AMZ1: variants seen among roughly 807,000 people sequenced by gnomAD.
AMZ1 encodes archaelysin family metallopeptidase 1.
AMZ1 carries 39 observed loss-of-function variants against 29.9 expected under a neutral mutation model. The observed-to-expected ratio is 1.30, with a 90% CI of 1.01 to 1.70. The LOEUF (loss-of-function observed/expected upper bound fraction) is 1.70. AMZ1 is among the 40% of genes most tolerant of loss of function. The pLI, the probability that AMZ1 is intolerant of heterozygous loss-of-function variation, is 0.00. For synonymous variants in AMZ1, 458 were observed against 304.0 expected (o/e 1.51, Z -5.27); for missense variants, 1,041 against 680.6 (o/e 1.53, Z -5.89).
intron 4 of AMZ1, among the ~76,000 whole-genome samples, chr7:2,743,702 C>T (rs1042504115): frequency 4.6e-5 from 7 of 152,182 alleles, no homozygotes; most frequent in Middle Eastern, 3.4e-3. Context: ...GCGCACTGTG[C>T]GCGAGCCGAA....
Position 2,700,610 on chromosome 7 carries a change from G to A in AMZ1, c.159G>A (p.Thr53=), listed in dbSNP as rs145132421. 306 of 1,610,606 alleles carry A rather than the reference G, an allele frequency of 1.9e-4. 1 individual carries two copies. In the African/African-American group the frequency reaches 2.9e-3, roughly 15 times the overall value. Reference sequence around the variant, plus strand: ...CCGAGGCCTACAACCCGCAGAGGACGCTCTTCTGCACCCTGCTCATCCGCA... The same window carrying A: ...CCGAGGCCTACAACCCGCAGAGGACACTCTTCTGCACCCTGCTCATCCGCA... ...FLAEAYNPQR[T]LFCTLLIRTG... is the part of the protein sequence containing the mutation. The change falls in exon 2 of 7, where the codon ACG becomes ACA. Residue 53 remains threonine (T), a synonymous_variant. Coordinates refer to ENST00000683327, the MANE Select transcript of AMZ1 (RefSeq NM_001384743.1).
At chr7:2,684,569 C>T (rs894423875), upstream of AMZ1, among the ~76,000 whole-genome samples, 6 of 152,214 alleles carry the variant, frequency 3.9e-5, no homozygotes, top group Non-Finnish European at 7.3e-5. Context: ...CCCCATATCA[C>T]GGCCTCTTTC....
chr7:2,758,778 A>ATCT (rs1232347699), intron 4 of AMZ1, among the ~76,000 whole-genome samples: 1 of 152,198 alleles, frequency 6.6e-6, no homozygotes, highest in Non-Finnish European at 1.5e-5. Flanking sequence ...GTGGATAATC[A>ATCT]AGTGCAGTTT....
At chr7:2,753,779 T>A (rs1369876937) in intron 4 of AMZ1, among the ~76,000 whole-genome samples, 1 of 152,152 alleles carries the variant, frequency 6.6e-6, no homozygotes, top group Non-Finnish European at 1.5e-5. Context: ...TAATGCTGAA[T>A]TTACTCCTGT....
intron 3 of AMZ1, 83 bp from the exon 4 acceptor site, chr7:2,708,505 G>A (rs1323179747): frequency 8.9e-6 from 14 of 1,580,748 alleles, no homozygotes; most frequent in East Asian, 4.5e-5. Context: ...CAGAGGAAGA[G>A]GATGACGGGG....
Position 2,700,283 on chromosome 7 carries a change from C to A in AMZ1, c.-169C>A. 1.3e-6 allele frequency: 1 copy of A among 743,310 alleles called. No homozygotes were observed. Among genetic ancestry groups the A allele is most frequent in the Non-Finnish European group, 2.1e-6 (1 of 467,812 alleles). The allele number at this position is 743,310 out of a possible 1,614,324, so 46.0% of individuals were successfully genotyped here. ...ATGCCTGAGAGCGTCCAGGACCAGG[C>A]AGAGCTGGGCCTTAAGGGCCCTTGG... On this transcript the variant is annotated 5_prime_UTR_variant, in exon 2 of 7. Transcript: ENST00000683327.
In AMZ1 at chr7:2,717,105, G is replaced by C. The variant is rs1789170465; in HGVS notation, c.*4227G>C. Among the ~76,000 whole-genome samples, 1 of 152,226 alleles carries C rather than the reference G, an allele frequency of 6.6e-6. No individual in the cohort carries two copies. The highest frequency in any genetic ancestry group is 2.4e-5 in the African/African-American group (1 of 41,468). ...GCCCCTCGGTTCTGATAACCAGGAG[G>C]CTTTCTGGCCCGTGCAGCTCCTTCG... On this transcript the variant is annotated 3_prime_UTR_variant, in exon 7 of 7. Coordinates refer to ENST00000683327, the MANE Select transcript of AMZ1 (RefSeq NM_001384743.1).
rs554867053 is a variant in AMZ1 at position 2,718,034 on chromosome 7, A to G, written c.*5156A>G. ...CAATGGCCCTCAGAGGGTCCGCGGC[A>G]GCCAGGCCCGTCCAACCTCCTGCCC... On this transcript the variant is annotated 3_prime_UTR_variant, in exon 7 of 7. Coordinates refer to ENST00000683327, the MANE Select transcript of AMZ1 (RefSeq NM_001384743.1). 1.2e-3 allele frequency among the ~76,000 whole-genome samples: 180 copies of G among 152,298 alleles called. No homozygotes were observed. The highest frequency in any genetic ancestry group is 0.01 in the Middle Eastern group (3 of 294).
At chr7:2,733,440 T>TGC in intron 4 of AMZ1, 1 of 1,612,866 alleles carries the variant, frequency 6.2e-7, no homozygotes, top group Non-Finnish European at 8.5e-7. Context: ...CGGGCGGGCG[T>TGC]GCTTACTCAC....
At chr7:2,754,796 AAAATGACCGTT>A (rs1791212874) in intron 4 of AMZ1, among the ~76,000 whole-genome samples, 1 of 152,162 alleles carries the variant, frequency 6.6e-6, no homozygotes, top group Non-Finnish European at 1.5e-5. Context: ...TGATGAAACA[AAAATGACCGTT>A]TCTCAAAATT....
At chr7:2,756,864 G>A (rs1791323016) in intron 4 of AMZ1, among the ~76,000 whole-genome samples, 2 of 152,002 alleles carry the variant, frequency 1.3e-5, no homozygotes, top group Admixed American at 1.3e-4. Context: ...CTTGAGCCCA[G>A]GCCATTTGAG....
At chr7:2,680,594 C>T (rs112729869) in intron 1 of AMZ1, among the ~76,000 whole-genome samples, 2,217 of 152,334 alleles carry the variant, frequency 0.015, 46 homozygotes, top group African/African-American at 0.051. Context: ...TTTTCACCCC[C>T]GACCCCAGCT....
At position 2,717,218 on chromosome 7, in the gene AMZ1, ATTTGT is replaced by A. The variant is rs900946370; in HGVS notation, c.*4348_*4352del. The stretch of plus-strand genomic sequence containing the variant: ...CCCCGTGATTGCTGGGGCTTCACTG[ATTTGT>A]TTTGTTTATAAAAGGAGGGCGAGGC... On this transcript the variant is annotated 3_prime_UTR_variant, in exon 7 of 7. Transcript: ENST00000683327. Among the ~76,000 whole-genome samples, 18 of 152,238 alleles carry A rather than the reference ATTTGT, an allele frequency of 1.2e-4. No homozygotes were observed. Among genetic ancestry groups the A allele is most frequent in the African/African-American group, 2.6e-4 (11 of 41,540 alleles).
chr7:2,755,554 T>G (rs894692728), intron 4 of AMZ1, among the ~76,000 whole-genome samples: 3 of 152,232 alleles, frequency 2.0e-5, no homozygotes, highest in African/African-American at 7.2e-5. Flanking sequence ...TTGGTCATTG[T>G]TAGTCTATAG....
At chr7:2,696,366 C>T (rs934687448) in intron 1 of AMZ1, among the ~76,000 whole-genome samples, 32 of 150,258 alleles carry the variant, frequency 2.1e-4, no homozygotes, top group African/African-American at 6.6e-4. Flanking sequence ...ACGCCATTCT[C>T]CTGCCTCAGC....
chr7:2,747,559 A>G (rs1417434581), intron 4 of AMZ1, among the ~76,000 whole-genome samples: 1 of 152,194 alleles, frequency 6.6e-6, no homozygotes, highest in South Asian at 2.1e-4. Flanking sequence ...CCCACAGCCA[A>G]TATCATACTG....
In AMZ1 at chr7:2,752,009, G is replaced by T. The variant is rs145313050; in HGVS notation, n.551-12703G>T. Reference sequence around the variant, plus strand: ...ATTTCCAACTCCTTTTATGAGGCCAGCATCATCCTGGTACCCACACCGACA... The same window carrying T: ...ATTTCCAACTCCTTTTATGAGGCCATCATCATCCTGGTACCCACACCGACA... On this transcript the variant is annotated intron_variant and non_coding_transcript_variant, in intron 4 of 4. Coordinates refer to the AMZ1 transcript ENST00000489665. 1.5e-4 allele frequency among the ~76,000 whole-genome samples: 23 copies of T among 152,212 alleles called. No homozygotes were observed. In the East Asian group the frequency reaches 3.9e-3, roughly 26 times the overall value.
rs945954809 is a variant in AMZ1, at chr7:2,713,310, C to G, written c.*432C>G. 6.5e-6 allele frequency: 1 copy of G among 153,430 alleles called. No homozygotes were observed. The highest frequency in any genetic ancestry group is 1.5e-5 in the Non-Finnish European group (1 of 68,938). 9.5% of individuals were successfully genotyped at this position (153,430 alleles called of 1,614,324 possible). A position where few individuals can be genotyped will look rare whatever the true frequency, so the allele number is the denominator to read the frequency against. ...CAGGCGCCTCCTTCAACTCCTGAGT[C>G]CCAGCCAGCCGCTCCCAGGGGCCTG... On this transcript the variant is annotated 3_prime_UTR_variant, in exon 7 of 7. Coordinates refer to ENST00000683327, the MANE Select transcript of AMZ1 (RefSeq NM_001384743.1).
chr7:2,705,128 G>A (rs1398131695), intron 3 of AMZ1, among the ~76,000 whole-genome samples: 1 of 152,216 alleles, frequency 6.6e-6, no homozygotes, highest in African/African-American at 2.4e-5. Context: ...TTAACTTTGA[G>A]AATTTTTGGC....
Sources: gnomAD v4.1 joint callset for allele counts (sites outside exome capture counted in the v4.1 genomes callset) on GRCh38, gnomAD v4.1.1 for gene constraint, MANE v1.5 for transcripts, NCBI Gene and HGNC (gene_info 2026-07-23, HGNC 2026-07-21) for gene names.